The following CA2 variants were observed in gnomAD, a reference collection of about 807,000 sequenced individuals.
CA2 encodes the protein carbonate dehydratase II.
In CA2, 23 loss-of-function variants were observed where a neutral mutation model predicts 27.8. The ratio of observed to expected loss-of-function variants is 0.83; its 90% confidence interval spans 0.59 to 1.17. CA2 has a LOEUF of 1.17. Among genes scored for constraint, CA2 ranks in the 50% most tolerant of loss-of-function variants. The pLI is 0.00. For missense variants in CA2, 300 were observed against 314.7 expected, an observed-to-expected ratio of 0.95 and a Z score of 0.35; for synonymous variants, 99 against 114.9, an observed-to-expected ratio of 0.86 and a Z score of 0.88.
At position 85,480,732 on chromosome 8, in the gene CA2, C is replaced by A. The variant is rs1307520265; in HGVS notation, c.726C>A (p.Asp242Glu). The A allele has an allele frequency of 6.2e-7, 1 of 1,613,880 alleles. No homozygotes were observed. The highest frequency in any genetic ancestry group is 8.5e-7 in the Non-Finnish European group (1 of 1,179,822). ...GEGEPEELMV[D>E]NWRPAQPLKN... is the part of the protein sequence containing the mutation. The stretch of plus-strand genomic sequence containing the variant: ...GTGAACCCGAAGAACTGATGGTGGA[C>A]AACTGGCGCCCAGCTCAGCCACTGA... The change falls in exon 7 of 7, where the codon GAC becomes GAA. Residue 242 changes from aspartate (D) to glutamate (E), a missense_variant. Asp to Glu is a conservative substitution (Grantham distance 45). Coordinates refer to ENST00000285379, the MANE Select transcript of CA2 (RefSeq NM_000067.3).
At chr8:85,466,908 A>G (rs560903114) in intron 2 of CA2, among the ~76,000 whole-genome samples, 1 of 152,342 alleles carries the variant, frequency 6.6e-6, no homozygotes, top group East Asian at 1.9e-4. Context: ...AGACAAGGCC[A>G]AAGGTCTCAA....
rs1811886069 is a variant in CA2 at position 85,481,207 on chromosome 8, A to G, written c.*418A>G. 5.8e-6 allele frequency: 1 copy of G among 173,438 alleles called. No homozygotes were observed. The highest frequency in any genetic ancestry group is 1.4e-4 in the South Asian group (1 of 7,098). The allele number at this position is 173,438 out of a possible 1,614,324, so 10.7% of individuals were successfully genotyped here. The stretch of plus-strand genomic sequence containing the variant: ...TTAAGGCAAATCAGGTAAAATAGTC[A>G]TGATTCTATGTAATGTAAACCAGAA... On this transcript the variant is annotated 3_prime_UTR_variant, in exon 7 of 7. Coordinates refer to ENST00000285379, the MANE Select transcript of CA2 (RefSeq NM_000067.3).
In CA2 at chr8:85,466,893, TAACA is replaced by T. The variant is rs113229998; in HGVS notation, c.232+1426_232+1429del. Reference sequence around the variant, plus strand: ...TCTTGTAAAGAATACTGTATATTTATAACAAGACAAGGCCAAAGGTCTCAAGGTA... The same window carrying T: ...TCTTGTAAAGAATACTGTATATTTATAGACAAGGCCAAAGGTCTCAAGGTA... On this transcript the variant is annotated intron_variant, in intron 2 of 6. Transcript: ENST00000285379. Among the ~76,000 whole-genome samples, 1,446 of 152,326 alleles carry T rather than the reference TAACA, an allele frequency of 9.5e-3. 11 individuals are homozygous for T. The highest frequency in any genetic ancestry group is 0.047 in the East Asian group (243 of 5,188).
At position 85,481,112 on chromosome 8, in the gene CA2, T is replaced by A. The variant is rs981065753; in HGVS notation, c.*323T>A. ...GAGCACTCACAATTGTTGACTAAAA[T>A]GCTGCTTTTAAAACATAGGAAAGTA... is the stretch of plus-strand genomic sequence containing the variant. On this transcript the variant is annotated 3_prime_UTR_variant, in exon 7 of 7. Coordinates refer to ENST00000285379, the MANE Select transcript of CA2 (RefSeq NM_000067.3). 3.2e-6 allele frequency: 1 copy of A among 310,264 alleles called. No individual in the cohort carries two copies. The highest frequency in any genetic ancestry group is 2.1e-5 in the African/African-American group (1 of 46,780). 19.2% of individuals were successfully genotyped at this position (310,264 alleles called of 1,614,324 possible). A position where few individuals can be genotyped will look rare whatever the true frequency, so the allele number is the denominator to read the frequency against.
rs750639892 is a variant in CA2 at position 85,477,289 on chromosome 8, T to C, written c.663+14T>C. 2.5e-6 allele frequency: 4 copies of C among 1,614,056 alleles called. No individual in the cohort carries two copies. Among genetic ancestry groups the C allele is most frequent in the Non-Finnish European group, 3.4e-6 (4 of 1,179,946 alleles). The stretch of plus-strand genomic sequence containing the variant: ...AGCAGCGAGCAGGTTTGTTTTGTAA[T>C]GACAGGTCTGTTTACGGGTGGAGCA... On this transcript the variant is annotated intron_variant, in intron 6 of 6. Coordinates refer to ENST00000285379, the MANE Select transcript of CA2 (RefSeq NM_000067.3).
chr8:85,473,737 T>A lies in CA2; in HGVS notation c.277T>A (p.Phe93Ile). ...PLDGTYRLIQ[F>I]HFHWGSLDGQ... ...GGATGGCACTTACAGATTGATTCAG[T>A]TTCACTTTCACTGGGGTTCACTTGA... Residue 93 changes from phenylalanine (F) to isoleucine (I), a missense_variant, in exon 3 of 7, where the codon TTT becomes ATT. Physicochemically the swap from Phe to Ile is conservative, Grantham distance 21. Coordinates refer to ENST00000285379, the MANE Select transcript of CA2 (RefSeq NM_000067.3). The A allele has an allele frequency of 1.9e-6, 3 of 1,612,764 alleles. No individual in the cohort carries two copies. The highest frequency in any genetic ancestry group is 2.5e-6 in the Non-Finnish European group (3 of 1,178,768).
Position 85,477,334 on chromosome 8 carries a change from C to T in CA2, c.663+59C>T, listed in dbSNP as rs373539494. 352 of 1,595,874 alleles carry T rather than the reference C, an allele frequency of 2.2e-4. 3 individuals are homozygous for T. The South Asian group carries it at 3.3e-3, about 15-fold the overall frequency. ...GGAGCATTTAGTCAAGGCAGAAGACCTTGGCCTCCAGAGTGAGAGAGAACT... is the reference window on the plus strand; with the variant it reads ...GGAGCATTTAGTCAAGGCAGAAGACTTTGGCCTCCAGAGTGAGAGAGAACT... On this transcript the variant is annotated intron_variant, in intron 6 of 6. Transcript: ENST00000285379.
chr8:85,472,521 G>A (rs1811726248), intron 2 of CA2, among the ~76,000 whole-genome samples: 1 of 152,062 alleles, frequency 6.6e-6, no homozygotes, highest in Non-Finnish European at 1.5e-5. Context: ...GCTTAATGCA[G>A]TTACATTAAT....
At chr8:85,467,841 A>G (rs1563432234) in intron 2 of CA2, among the ~76,000 whole-genome samples, 1 of 152,206 alleles carries the variant, frequency 6.6e-6, no homozygotes, top group Non-Finnish European at 1.5e-5. Context: ...TTAGATTGTG[A>G]AACAGATGAA....
intron 4 of CA2, chr8:85,474,656 A>C: frequency 1.9e-6 from 1 of 523,182 alleles, no homozygotes; most frequent in Admixed American, 3.2e-5. Flanking sequence ...GAACATAAAG[A>C]GATCAACTTG....
intron 5 of CA2, among the ~76,000 whole-genome samples, chr8:85,476,634 C>T (rs190760155): frequency 6.6e-6 from 1 of 152,210 alleles, no homozygotes; most frequent in South Asian, 2.1e-4. Flanking sequence ...TTTGCCACCA[C>T]CTTGTCATTC....
chr8:85,473,664 T>C (rs1427283652), intron 2 of CA2, 29 bp from the exon 3 acceptor site: 28 of 1,059,236 alleles, frequency 2.6e-5, no homozygotes, highest in Non-Finnish European at 3.5e-5. Context: ...TACATATATG[T>C]TACATATATA....
intron 1 of CA2, 183 bp downstream of exon 1, chr8:85,464,298 CGGGGATGT>C: frequency 2.0e-6 from 1 of 497,976 alleles, no homozygotes; most frequent in South Asian, 3.2e-5. Flanking sequence ...TCCGCGGCGC[CGGGGATGT>C]CCCCCTTGCC....
Position 85,473,010 on chromosome 8 carries a change from T to TAAATAAATAAATA in CA2, c.233-681_233-680insATAAATAAATAAA, listed in dbSNP as rs780113099. ...CTCTGTTTCAAAATAATAATAATAA[T>TAAATAAATAAATA]AATAAATAAATAAATAAATAAATAA... On this transcript the variant is annotated intron_variant, in intron 2 of 6. Transcript: ENST00000285379. Among the ~76,000 whole-genome samples, 14 of 141,480 alleles carry TAAATAAATAAATA rather than the reference T, an allele frequency of 9.9e-5. No homozygotes were observed. In the South Asian group the frequency reaches 2.8e-3, roughly 28 times the overall value. 92.8% of individuals were successfully genotyped at this position (141,480 alleles called of 152,430 possible).
Position 85,480,443 on chromosome 8 carries a change from G to GT in CA2, c.664-226dup, listed in dbSNP as rs1213290850. ...GTTTAATTTTTGTGTGTGTGTGTGT[G>GT]TGTTTTTTTTTTTGTAGAGACAGGG... On this transcript the variant is annotated intron_variant, in intron 6 of 6. Transcript: ENST00000285379. Among the ~76,000 whole-genome samples, 1,500 of 88,762 alleles carry GT rather than the reference G, an allele frequency of 0.017. 10 individuals carry two copies. The highest frequency in any genetic ancestry group is 0.038 in the Middle Eastern group (6 of 156). The allele number at this position is 88,762 out of a possible 152,430, so 58.2% of individuals were successfully genotyped here.
Position 85,471,511 on chromosome 8 carries a change from A to T in CA2, c.233-2182A>T, listed in dbSNP as rs534128612. ...AAACTTTAAGATTTGTTAGAGAAAG[A>T]ATAAGAAACAGCAATAAACTTTATT... On this transcript the variant is annotated intron_variant, in intron 2 of 6. Coordinates refer to ENST00000285379, the MANE Select transcript of CA2 (RefSeq NM_000067.3). Among the ~76,000 whole-genome samples the T allele has an allele frequency of 2.0e-5, 3 of 152,258 alleles. No individual in the cohort carries two copies. The South Asian group carries it at 6.2e-4, about 32-fold the overall frequency.
rs1168264633 is a variant in CA2 at position 85,473,913 on chromosome 8, T to C, written c.351+102T>C. 5.1e-6 allele frequency: 4 copies of C among 781,390 alleles called. No individual in the cohort carries two copies. The African/African-American group carries it at 5.1e-5, about 10-fold the overall frequency. The allele number at this position is 781,390 out of a possible 1,614,324, so 48.4% of individuals were successfully genotyped here. Reference sequence around the variant, plus strand: ...ATTTGTAAATTCAACTCACGCCCAGTGAACCACTTCTTTTACAAAGGACCT... The same window carrying C: ...ATTTGTAAATTCAACTCACGCCCAGCGAACCACTTCTTTTACAAAGGACCT... On this transcript the variant is annotated intron_variant, in intron 3 of 6. Coordinates refer to ENST00000285379, the MANE Select transcript of CA2 (RefSeq NM_000067.3).
chr8:85,464,045 T>G lies in CA2; in HGVS notation c.-37T>G. 6.5e-7 allele frequency: 1 copy of G among 1,541,050 alleles called. No individual in the cohort carries two copies. Among genetic ancestry groups the G allele is most frequent in the Non-Finnish European group, 8.7e-7 (1 of 1,146,076 alleles). On this transcript the variant is annotated 5_prime_UTR_variant, in exon 1 of 7. Transcript: ENST00000285379. ...GCCCAAGCCGCCGCCGCCAGATCGG[T>G]GCCGATTCCTGCCCTGCCCCGACCG...
intron 2 of CA2, among the ~76,000 whole-genome samples, chr8:85,469,128 T>C (rs772603696): frequency 5.9e-5 from 9 of 152,222 alleles, no homozygotes; most frequent in Non-Finnish European, 1.3e-4. Context: ...AAAAGTTATT[T>C]ATTTTAGTCA....
Sources: gnomAD v4.1 joint callset for allele counts (sites outside exome capture counted in the v4.1 genomes callset) on GRCh38, gnomAD v4.1.1 for gene constraint, MANE v1.5 for transcripts, NCBI Gene and HGNC (gene_info 2026-07-23, HGNC 2026-07-21) for gene names.